ADAMTS18: variants seen among roughly 807,000 people sequenced by gnomAD.
The protein encoded by ADAMTS18 is A disintegrin and metalloproteinase with thrombospondin motifs 18.
A neutral mutation model predicts 165.9 loss-of-function variants in ADAMTS18; 157 were observed. The observed-to-expected ratio is 0.95, with a 90% CI of 0.83 to 1.08. ADAMTS18 has a LOEUF of 1.08. Ranked by LOEUF, ADAMTS18 falls within the 50% of genes least tolerant of loss-of-function variation. The pLI, the probability that ADAMTS18 is intolerant of heterozygous loss-of-function variation, is 0.00. For synonymous variants in ADAMTS18, 782 were observed against 578.2 expected, an observed-to-expected ratio of 1.35 and a Z score of -5.06; for missense variants, 2,040 against 1,534.0, an observed-to-expected ratio of 1.33 and a Z score of -5.51.
chr16:77,418,522 G>T (rs1400378489), intron 3 of ADAMTS18, among the ~76,000 whole-genome samples: 1 of 152,130 alleles, frequency 6.6e-6, no homozygotes, highest in Admixed American at 6.5e-5. Flanking sequence ...GCACAAGAAA[G>T]AATTATCCAT....
intron 3 of ADAMTS18, among the ~76,000 whole-genome samples, chr16:77,372,205 T>G (rs532078584): frequency 9.6e-4 from 146 of 152,286 alleles, no homozygotes; most frequent in African/African-American, 3.3e-3. Flanking sequence ...GAAAATGGTA[T>G]GAAGGATCCT....
rs778688195 is a variant in ADAMTS18 at position 77,326,011 on chromosome 16, T to C, written c.1887A>G (p.Pro629=). Residue 629 remains proline, a synonymous_variant, in exon 13 of 23, where the codon CCA becomes CCG. Coordinates refer to ENST00000282849, the MANE Select transcript of ADAMTS18 (RefSeq NM_199355.4). The stretch of plus-strand genomic sequence containing the variant: ...ACAGCTGATAAATACGGCTAGAACC[T>C]GGACAGAATAAGCCACCATACTGAG... ...PKPQYGGLFC[P]GSSRIYQLCN... 2 of 1,614,054 alleles carry C rather than the reference T, an allele frequency of 1.2e-6. No individual in the cohort carries two copies. The highest frequency in any genetic ancestry group is 1.7e-6 in the Non-Finnish European group (2 of 1,179,946).
chr16:77,302,034 C>A (rs930641544), intron 16 of ADAMTS18, among the ~76,000 whole-genome samples: 1 of 141,188 alleles, frequency 7.1e-6, no homozygotes, highest in East Asian at 2.2e-4. Context: ...TTAACTTTCG[C>A]AGCTAAGTCA....
At chr16:77,345,687 T>G (rs755998501) in intron 10 of ADAMTS18, among the ~76,000 whole-genome samples, 7 of 152,186 alleles carry the variant, frequency 4.6e-5, no homozygotes, top group Non-Finnish European at 1.0e-4. Flanking sequence ...AAATAAGAAT[T>G]CACTTCCTCA....
At chr16:77,341,156 A>C (rs1005440569) in intron 11 of ADAMTS18, among the ~76,000 whole-genome samples, 1 of 152,154 alleles carries the variant, frequency 6.6e-6, no homozygotes, top group Non-Finnish European at 1.5e-5. Flanking sequence ...AATCTTTCAA[A>C]ATGGAGGTGG....
chr16:77,322,458 G>T lies in ADAMTS18; in HGVS notation c.2041C>A (p.Arg681=). 2.5e-6 allele frequency: 4 copies of T among 1,613,836 alleles called. No homozygotes were observed. Among genetic ancestry groups the T allele is most frequent in the Non-Finnish European group, 3.4e-6 (4 of 1,179,912 alleles). ...KPYTKVEEED[R]CKLYCKAENF... Reference sequence around the variant, plus strand: ...TCAGCCTTGCAGTACAGTTTGCATCGATCTTCCTCTAGAAACAAAGAGATC... The same window carrying T: ...TCAGCCTTGCAGTACAGTTTGCATCTATCTTCCTCTAGAAACAAAGAGATC... Residue 681 remains arginine (R), a synonymous_variant, in exon 14 of 23, where the codon CGA becomes AGA. Transcript: ENST00000282849.
intron 16 of ADAMTS18, among the ~76,000 whole-genome samples, chr16:77,315,481 A>C (rs2144627056): frequency 6.6e-6 from 1 of 152,356 alleles, no homozygotes; most frequent in African/African-American, 2.4e-5. Flanking sequence ...GAATGAGGGC[A>C]TCTCCACTCA....
intron 3 of ADAMTS18, among the ~76,000 whole-genome samples, chr16:77,421,576 T>C (rs1462279699): frequency 6.6e-6 from 1 of 152,254 alleles, no homozygotes; most frequent in East Asian, 1.9e-4. Context: ...TCTAAGGCAC[T>C]GCCCTAGGCT....
At chr16:77,343,985 A>G (rs2056437326) in intron 10 of ADAMTS18, among the ~76,000 whole-genome samples, 1 of 151,730 alleles carries the variant, frequency 6.6e-6, no homozygotes, top group Admixed American at 6.6e-5. Flanking sequence ...AATTCCCCAA[A>G]CACTCCATTT....
rs141862929 is a variant in ADAMTS18 at position 77,403,936 on chromosome 16, G to A, written c.495+27359C>T. Among the ~76,000 whole-genome samples, 698 of 152,272 alleles carry A rather than the reference G, an allele frequency of 4.6e-3. 11 individuals are homozygous for A. The highest frequency in any genetic ancestry group is 0.016 in the African/African-American group (674 of 41,564). On this transcript the variant is annotated intron_variant, in intron 3 of 22. Transcript: ENST00000282849. ...GCTGGGAAGGAAGGCTTTCCTAAGA[G>A]TGTGACCTTGGAGCAGAGATCTGAA...
At chr16:77,311,453 A>C (rs1185622888) in intron 16 of ADAMTS18, among the ~76,000 whole-genome samples, 1 of 152,242 alleles carries the variant, frequency 6.6e-6, no homozygotes, top group Non-Finnish European at 1.5e-5. Flanking sequence ...TAAAGAATAC[A>C]GCCATGGATC....
rs930715081 is a variant in ADAMTS18 at position 77,424,146 on chromosome 16, C to G, written c.495+7149G>C. On this transcript the variant is annotated intron_variant, in intron 3 of 22. Transcript: ENST00000282849. ...TACTTACAACACAGGACTTGGGGAGCCTGATGCCTTAGTGGTCATACCCGA... is the reference window on the plus strand; with the variant it reads ...TACTTACAACACAGGACTTGGGGAGGCTGATGCCTTAGTGGTCATACCCGA... Among the ~76,000 whole-genome samples, 5 of 152,256 alleles carry G rather than the reference C, an allele frequency of 3.3e-5. No individual in the cohort carries two copies. In the East Asian group the frequency reaches 7.7e-4, roughly 24 times the overall value.
intron 16 of ADAMTS18, among the ~76,000 whole-genome samples, chr16:77,314,051 C>G (rs997399021): frequency 2.0e-5 from 3 of 152,212 alleles, no homozygotes; most frequent in African/African-American, 7.2e-5. Flanking sequence ...ATCTTCCTCT[C>G]AAATAAAAAT....
At chr16:77,290,237 G>A (rs1300676668) in intron 21 of ADAMTS18, among the ~76,000 whole-genome samples, 1 of 152,122 alleles carries the variant, frequency 6.6e-6, no homozygotes, top group African/African-American at 2.4e-5. Context: ...AGGCTGTATA[G>A]GCATACGGCC....
At chr16:77,321,021 C>T in intron 15 of ADAMTS18, 58 bp downstream of exon 15, 1 of 1,611,668 alleles carries the variant, frequency 6.2e-7, no homozygotes, top group Admixed American at 1.7e-5. Context: ...GTGACTCAAA[C>T]TTGTTTGGTA....
chr16:77,424,543 C>A (rs561654777), intron 3 of ADAMTS18, among the ~76,000 whole-genome samples: 12 of 151,404 alleles, frequency 7.9e-5, no homozygotes, highest in Non-Finnish European at 7.4e-5. Flanking sequence ...ACCCCTCAAA[C>A]TGGCCTTAGT....
At chr16:77,372,861 C>T (rs936123942) in intron 3 of ADAMTS18, among the ~76,000 whole-genome samples, 4 of 152,146 alleles carry the variant, frequency 2.6e-5, no homozygotes, top group African/African-American at 9.7e-5. Context: ...TTCCCCACAA[C>T]AGCCAGAGTC....
Position 77,334,825 on chromosome 16 carries a change from A to G in ADAMTS18, c.1859+931T>C, listed in dbSNP as rs865900435. 9.1e-3 allele frequency among the ~76,000 whole-genome samples: 1,130 copies of G among 123,710 alleles called. 8 individuals carry two copies. Among genetic ancestry groups the G allele is most frequent in the Middle Eastern group, 0.023 (2 of 86 alleles). 81.2% of individuals were successfully genotyped at this position (123,710 alleles called of 152,430 possible). ...TACTATAGTATACAGTATATATACT[A>G]TATACTATAGTATACAGTATATATA... is the stretch of plus-strand genomic sequence containing the variant. On this transcript the variant is annotated intron_variant, in intron 12 of 22. Coordinates refer to ENST00000282849, the MANE Select transcript of ADAMTS18 (RefSeq NM_199355.4).
chr16:77,291,242 C>T (rs1348714293), intron 21 of ADAMTS18, 24 bp downstream of exon 21: 5 of 1,612,228 alleles, frequency 3.1e-6, no homozygotes, highest in Non-Finnish European at 2.5e-6. Flanking sequence ...TGAATAGACA[C>T]CTCCTCAATC....
Sources: allele counts gnomAD v4.1 joint callset (sites outside exome capture counted in the v4.1 genomes callset), GRCh38; gene constraint gnomAD v4.1.1; transcripts MANE v1.5; gene names NCBI Gene and HGNC (gene_info 2026-07-23, HGNC 2026-07-21).